Variants in KCNIP4 observed in about 807,000 individuals in gnomAD.
KCNIP4 encodes potassium voltage-gated channel interacting protein 4.
Under a neutral mutation model 34.0 loss-of-function variants are expected in KCNIP4, and 12 were observed. The ratio of observed to expected loss-of-function variants is 0.35; its 90% CI spans 0.23 to 0.57. The LOEUF is 0.57. Among genes scored for constraint, KCNIP4 ranks in the 20% least tolerant of loss-of-function variants. KCNIP4 has a pLI of 0.83. For missense variants in KCNIP4, 238 were observed against 311.7 expected (o/e 0.76, Z 1.78); for synonymous variants, 124 against 102.2 (o/e 1.21, Z -1.29).
At chr4:21,457,296 C>A (rs887029814) in intron 1 of KCNIP4, among the ~76,000 whole-genome samples, 2 of 152,048 alleles carry the variant, frequency 1.3e-5, no homozygotes, top group Non-Finnish European at 2.9e-5. Flanking sequence ...TCTTTTAATT[C>A]CTTGTTGGCG....
At chr4:20,900,299 A>G (rs924495006) in intron 1 of KCNIP4, among the ~76,000 whole-genome samples, 2 of 152,246 alleles carry the variant, frequency 1.3e-5, no homozygotes, top group Non-Finnish European at 2.9e-5. Flanking sequence ...AGAATCACTT[A>G]TAAAGGAAGA....
chr4:21,556,390 T>C (rs2109023848), intron 1 of KCNIP4, among the ~76,000 whole-genome samples: 1 of 152,250 alleles, frequency 6.6e-6, no homozygotes, highest in East Asian at 1.9e-4. Context: ...CCACAGTTGA[T>C]TACTTTTCAG....
At chr4:20,934,765 A>G (rs1415457112) in intron 1 of KCNIP4, among the ~76,000 whole-genome samples, 1 of 152,218 alleles carries the variant, frequency 6.6e-6, no homozygotes, top group African/African-American at 2.4e-5. Context: ...AAATAAAGCA[A>G]GGAAGGAGGC....
At chr4:20,897,439 T>C (rs1486318884) in intron 1 of KCNIP4, among the ~76,000 whole-genome samples, 1 of 152,160 alleles carries the variant, frequency 6.6e-6, no homozygotes, top group Non-Finnish European at 1.5e-5. Flanking sequence ...CTCACGAAAC[T>C]ACTTCCTATT....
intron 1 of KCNIP4, among the ~76,000 whole-genome samples, chr4:20,982,581 T>G (rs1736166948): frequency 6.6e-6 from 1 of 152,222 alleles, no homozygotes; most frequent in South Asian, 2.1e-4. Context: ...TTATTGAGAA[T>G]AAAGAAGATA....
rs955622062 is a variant in KCNIP4 at position 21,101,851 on chromosome 4, T to A, written c.62-219142A>T. Among the ~76,000 whole-genome samples the A allele has an allele frequency of 2.6e-5, 4 of 152,342 alleles. No individual in the cohort carries two copies. In the South Asian group the frequency reaches 8.3e-4, roughly 32 times the overall value. ...ACTCAGATTACAGAGGGAACAGGTC[T>A]TAAACATAGAAACTATGATTTAAGT... On this transcript the variant is annotated intron_variant, in intron 1 of 8. Transcript: ENST00000382152.
At chr4:21,240,583 G>A (rs937717509) in intron 1 of KCNIP4, among the ~76,000 whole-genome samples, 2 of 152,042 alleles carry the variant, frequency 1.3e-5, no homozygotes, top group African/African-American at 4.8e-5. Context: ...TGTTGATGTT[G>A]CTTTCTCGTC....
intron 1 of KCNIP4, among the ~76,000 whole-genome samples, chr4:21,909,890 A>G (rs4323088): frequency 0.45 from 68,511 of 151,742 alleles, 16,162 homozygotes; most frequent in African/African-American, 0.59. Context: ...TCACTACCAC[A>G]AGGATAGTAT....
At chr4:21,039,601 A>T (rs948383542) in intron 1 of KCNIP4, among the ~76,000 whole-genome samples, 1 of 152,278 alleles carries the variant, frequency 6.6e-6, no homozygotes, top group Non-Finnish European at 1.5e-5. Context: ...AAACTGGAAA[A>T]TTTCCAGTTG....
rs896811997 is a variant in KCNIP4, at chr4:20,841,893, T to A, written c.288+8650A>T. On this transcript the variant is annotated intron_variant, in intron 3 of 8. Coordinates refer to ENST00000382152, the MANE Select transcript of KCNIP4 (RefSeq NM_025221.6). ...CCTCATGATTTTGGGTTGTTCTTTA[T>A]GCCTAGAAAGTCCTTTTTTCTACCT... Among the ~76,000 whole-genome samples, 4 of 152,300 alleles carry A rather than the reference T, an allele frequency of 2.6e-5. No individual in the cohort carries two copies. In the South Asian group the frequency reaches 8.3e-4, roughly 32 times the overall value.
chr4:21,691,112 G>T (rs1044512991), intron 1 of KCNIP4, among the ~76,000 whole-genome samples: 2 of 152,140 alleles, frequency 1.3e-5, no homozygotes, highest in African/African-American at 2.4e-5. Flanking sequence ...CCCAGTCAGT[G>T]GTAATACCAG....
At chr4:21,001,448 G>T (rs1738131134) in intron 1 of KCNIP4, among the ~76,000 whole-genome samples, 1 of 152,156 alleles carries the variant, frequency 6.6e-6, no homozygotes, top group Non-Finnish European at 1.5e-5. Flanking sequence ...AGATGGATTT[G>T]GCCAGTTCAT....
chr4:21,237,209 G>C (rs1380863488), intron 1 of KCNIP4, among the ~76,000 whole-genome samples: 1 of 152,122 alleles, frequency 6.6e-6, no homozygotes, highest in Non-Finnish European at 1.5e-5. Context: ...CTTGATGCCA[G>C]AACAATGCTG....
intron 1 of KCNIP4, among the ~76,000 whole-genome samples, chr4:21,587,699 G>A (rs2109085888): frequency 6.6e-6 from 1 of 152,204 alleles, no homozygotes; most frequent in East Asian, 1.9e-4. Flanking sequence ...GGGTGAACTA[G>A]CATAGGAATG....
At chr4:21,055,072 G>GA (rs1743284980) in intron 1 of KCNIP4, among the ~76,000 whole-genome samples, 3 of 151,748 alleles carry the variant, frequency 2.0e-5, no homozygotes, top group African/African-American at 4.8e-5. Context: ...TCAACAGTAA[G>GA]AAAAAAACAA....
chr4:20,790,860 C>G (rs1161826485), intron 3 of KCNIP4, among the ~76,000 whole-genome samples: 2 of 151,912 alleles, frequency 1.3e-5, no homozygotes, highest in Admixed American at 6.6e-5. Context: ...TTTCCAAGTG[C>G]CATTTGGATT....
chr4:21,444,715 C>G (rs768030860), intron 1 of KCNIP4, among the ~76,000 whole-genome samples: 2 of 152,126 alleles, frequency 1.3e-5, no homozygotes, highest in Non-Finnish European at 2.9e-5. Flanking sequence ...AAAACTGGCA[C>G]AAGACAGGGA....
chr4:20,762,434 T>A (rs1300679931), intron 3 of KCNIP4, among the ~76,000 whole-genome samples: 1 of 152,218 alleles, frequency 6.6e-6, no homozygotes, highest in Admixed American at 6.6e-5. Context: ...AATGATGATC[T>A]TTTATTTATT....
intron 1 of KCNIP4, among the ~76,000 whole-genome samples, chr4:21,777,130 C>G (rs1278964457): frequency 6.6e-6 from 1 of 152,188 alleles, no homozygotes; most frequent in Non-Finnish European, 1.5e-5. Context: ...TCTTCTCTCT[C>G]CTGCTGCCTT....
Sources: gnomAD v4.1 joint callset for allele counts (sites outside exome capture counted in the v4.1 genomes callset) on GRCh38, gnomAD v4.1.1 for gene constraint, MANE v1.5 for transcripts, NCBI Gene and HGNC (gene_info 2026-07-23, HGNC 2026-07-21) for gene names.